The following MYSM1 variants were observed in gnomAD, a reference collection of about 807,000 sequenced individuals.
MYSM1 encodes the protein Myb like, SWIRM and MPN domains 1.
In MYSM1, 51 loss-of-function variants were observed where a neutral mutation model predicts 116.0. That is an observed-to-expected ratio of 0.44 (90% confidence interval 0.35 to 0.56). The LOEUF is 0.56. Ranked by LOEUF, MYSM1 falls within the 20% of genes least tolerant of loss-of-function variation. The probability of loss-of-function intolerance (pLI) is 0.00; values close to 1 mark genes in which losing one functional copy is unlikely to be tolerated. For synonymous variants in MYSM1, 313 were observed against 315.2 expected (o/e 0.99, Z 0.07); for missense variants, 900 against 974.9 (o/e 0.92, Z 1.02).
chr1:58,678,778 G>A (rs1254802737), intron 8 of MYSM1, among the ~76,000 whole-genome samples: 1 of 152,184 alleles, frequency 6.6e-6, no homozygotes, highest in East Asian at 1.9e-4. Flanking sequence ...AGATTTCAAT[G>A]AGACAAGAAA....
At chr1:58,695,079 A>C in intron 2 of MYSM1, 50 bp downstream of exon 2, 1 of 1,076,370 alleles carries the variant, frequency 9.3e-7, no homozygotes, top group Non-Finnish European at 1.4e-6. Flanking sequence ...GAAGCACTCT[A>C]GGCAATAAAT....
At chr1:58,666,733 G>C (rs1364668038) in intron 16 of MYSM1, among the ~76,000 whole-genome samples, 2 of 151,612 alleles carry the variant, frequency 1.3e-5, no homozygotes, top group Non-Finnish European at 2.9e-5. Context: ...AATTAGCTAG[G>C]CGTGGTGGTG....
chr1:58,669,093 T>C (rs1282699694), intron 12 of MYSM1, 55 bp from the exon 13 acceptor site: 54 of 1,289,514 alleles, frequency 4.2e-5, no homozygotes, highest in Non-Finnish European at 5.6e-5. Context: ...GAAAATAACA[T>C]TTATTTGTAA....
At chr1:58,695,788 C>T (rs1036182637) in intron 1 of MYSM1, among the ~76,000 whole-genome samples, 10 of 152,048 alleles carry the variant, frequency 6.6e-5, no homozygotes, top group Admixed American at 1.3e-4. Flanking sequence ...TTGATTTGGA[C>T]GCTTTTCAAT....
In MYSM1 at chr1:58,675,576, C is replaced by A. The variant is rs1268349780; in HGVS notation, c.1395G>T (p.Gln465His). ...LIGAINFGCEQAVYNRPQTVD... is the reference protein window; with the variant it reads ...LIGAINFGCEHAVYNRPQTVD... ...CTGTTTGTGGCCTATTATACACAGC[C>A]TGTTCTATTGGAATTCAGGAAAGAT... Residue 465 changes from glutamine (Q) to histidine (H), a missense_variant, in exon 10 of 20, where the codon CAG becomes CAT. By Grantham distance (24) the Gln-to-His change is conservative. Around this residue, in one of 3 missense-constraint regions of MYSM1, gnomAD observed 622 missense variants for 623.7 expected, o/e 1.00. Coordinates refer to ENST00000472487, the MANE Select transcript of MYSM1 (RefSeq NM_001085487.3). 1 of 1,612,144 alleles carries A rather than the reference C, an allele frequency of 6.2e-7. No homozygotes were observed. Among genetic ancestry groups the A allele is most frequent in the South Asian group, 1.1e-5 (1 of 90,848 alleles).
At chr1:58,665,272 C>A (rs1479449258) in intron 17 of MYSM1, among the ~76,000 whole-genome samples, 1 of 152,198 alleles carries the variant, frequency 6.6e-6, no homozygotes, top group Admixed American at 6.5e-5. Flanking sequence ...ATATTTCAAT[C>A]CTTTTGCCCA....
At chr1:58,682,859 C>T (rs922601062) in intron 7 of MYSM1, among the ~76,000 whole-genome samples, 2 of 152,050 alleles carry the variant, frequency 1.3e-5, no homozygotes, top group Non-Finnish European at 2.9e-5. Flanking sequence ...CCGTGCCCGG[C>T]TAATTTTTTG....
At chr1:58,677,599 C>T (rs2100636305) in intron 8 of MYSM1, among the ~76,000 whole-genome samples, 1 of 151,830 alleles carries the variant, frequency 6.6e-6, no homozygotes, top group South Asian at 2.1e-4. Flanking sequence ...TAAGGGATTC[C>T]AAAGGGGAAA....
rs1371496764 is a variant in MYSM1 at position 58,668,008 on chromosome 1, TG to T, written c.1768-88del. 6.6e-6 allele frequency: 6 copies of T among 904,612 alleles called. No individual in the cohort carries two copies. The African/African-American group carries it at 9.8e-5, about 15-fold the overall frequency. The allele number at this position is 904,612 out of a possible 1,614,324, so 56.0% of individuals were successfully genotyped here. On this transcript the variant is annotated intron_variant, in intron 14 of 19. Transcript: ENST00000472487. ...ACTCACTTATCATAAGAAAGTCATT[TG>T]TAAGTATAGCCATCATGCTTTTATA...
intron 3 of MYSM1, among the ~76,000 whole-genome samples, chr1:58,692,201 T>C (rs1288137786): frequency 6.6e-6 from 1 of 152,096 alleles, no homozygotes; most frequent in Non-Finnish European, 1.5e-5. Context: ...TAAGTGGAAA[T>C]AGTGGGAACA....
rs1240247485 is a variant in MYSM1 at position 58,689,092 on chromosome 1, G to A, written c.345C>T (p.Ala115=). The A allele has an allele frequency of 2.5e-6, 4 of 1,611,188 alleles. 1 individual carries two copies. In the Admixed American group the frequency reaches 6.8e-5, roughly 27 times the overall value. ...KIMVHSPTKP[A]SYSVKWTIEE... is the part of the protein sequence containing the mutation. ...CTATCGTCCACTTTACTGAGTAACT[G>A]GCTGGTTTTGTAGGAGAGTGTACCC... Residue 115 remains alanine, a synonymous_variant, in exon 6 of 20, where the codon GCC becomes GCT. Coordinates refer to ENST00000472487, the MANE Select transcript of MYSM1 (RefSeq NM_001085487.3).
In MYSM1 at chr1:58,660,057, A is replaced by G. The variant is rs765974511; in HGVS notation, c.2427T>C (p.Tyr809=). ...TEIENLFLSN[Y]KSNQENGVTE... ...TTACTCCATTCTCTTGGTTGCTTTT[A>G]TAATTGGAAAGGAACAAATTTTCTA... The change falls in exon 20 of 20, where the codon TAT becomes TAC. Residue 809 remains tyrosine, a synonymous_variant. Transcript: ENST00000472487. 2 of 1,610,210 alleles carry G rather than the reference A, an allele frequency of 1.2e-6. No homozygotes were observed. Among genetic ancestry groups the G allele is most frequent in the Non-Finnish European group, 8.5e-7 (1 of 1,177,770 alleles).
At position 58,690,196 on chromosome 1, in the gene MYSM1, G is replaced by T. The variant is rs187318930; in HGVS notation, c.320+30C>A. ...CCATAATTTTTAACTAATGAAAACA[G>T]ATTTATAAATATAAAATATAAGTAC... On this transcript the variant is annotated intron_variant, in intron 5 of 19. Transcript: ENST00000472487. 1.5e-4 allele frequency: 224 copies of T among 1,458,992 alleles called. 1 individual carries two copies. The African/African-American group carries it at 3.0e-3, about 19-fold the overall frequency. The allele number at this position is 1,458,992 out of a possible 1,614,324, so 90.4% of individuals were successfully genotyped here. A position where few individuals can be genotyped will look rare whatever the true frequency, so the allele number is the denominator to read the frequency against.
intron 9 of MYSM1, among the ~76,000 whole-genome samples, chr1:58,676,513 C>T (rs1569750191): frequency 2.0e-5 from 3 of 151,644 alleles, no homozygotes; most frequent in Non-Finnish European, 2.9e-5. Context: ...AATATTTTGA[C>T]GCTTTTATCA....
At chr1:58,691,989 T>TA (rs1307008039) in intron 3 of MYSM1, among the ~76,000 whole-genome samples, 1 of 152,230 alleles carries the variant, frequency 6.6e-6, no homozygotes, top group Non-Finnish European at 1.5e-5. Context: ...TATTTTAGGT[T>TA]ATATAATATA....
In MYSM1 at chr1:58,676,965, T is replaced by C. The variant is rs1184172012; in HGVS notation, c.1351A>G (p.Thr451Ala). The C allele has an allele frequency of 1.9e-6, 3 of 1,612,576 alleles. No homozygotes were observed. The highest frequency in any genetic ancestry group is 2.5e-6 in the Non-Finnish European group (3 of 1,179,314). Residue 451 changes from threonine to alanine, a missense_variant, in exon 9 of 20, where the codon ACA (threonine) becomes GCA (alanine). Physicochemically the swap from Thr to Ala is moderately conservative, Grantham distance 58 (BLOSUM62 0). Around this residue, in one of 3 missense-constraint regions of MYSM1, gnomAD observed 622 missense variants for 623.7 expected, o/e 1.00. Transcript: ENST00000472487. ...ATTGCTCCTATCAATTCGAGGTATGTATGAATCCGTCCAATACAATTAACA... is the reference window on the plus strand; with the variant it reads ...ATTGCTCCTATCAATTCGAGGTATGCATGAATCCGTCCAATACAATTAACA... ...GDVNCIGRIHTYLELIGAINF... is the reference protein window; with the variant it reads ...GDVNCIGRIHAYLELIGAINF...
chr1:58,660,003 T>C lies in MYSM1; in HGVS notation c.2481A>G (p.Leu827=). The change falls in exon 20 of 20, where the codon TTA becomes TTG. Residue 827 remains leucine (L), a synonymous_variant. Coordinates refer to ENST00000472487, the MANE Select transcript of MYSM1 (RefSeq NM_001085487.3). ...VTEENCTKEL[L]M is the part of the protein sequence containing the mutation. ...TGTCTTAACTTTAAAATAATCACAT[T>C]AACAATTCCTTTGTACAGTTCTCTT... is the stretch of plus-strand genomic sequence containing the variant. 6.5e-7 allele frequency: 1 copy of C among 1,549,682 alleles called. No homozygotes were observed. Among genetic ancestry groups the C allele is most frequent in the Non-Finnish European group, 8.7e-7 (1 of 1,146,748 alleles).
intron 3 of MYSM1, chr1:58,692,431 T>C (rs185608203): frequency 1.3e-5 from 2 of 153,212 alleles, no homozygotes; most frequent in East Asian, 3.8e-4. Flanking sequence ...TTTTGTGCTT[T>C]TTATTTAGAT....
chr1:58,690,644 G>A (rs918517277), intron 3 of MYSM1, among the ~76,000 whole-genome samples: 3 of 150,512 alleles, frequency 2.0e-5, no homozygotes, highest in African/African-American at 4.9e-5. Flanking sequence ...ACACAAATTC[G>A]TAAACTTTCT....
Sources: allele counts gnomAD v4.1 joint callset (sites outside exome capture counted in the v4.1 genomes callset), GRCh38; gene constraint gnomAD v4.1.1; regional missense constraint gnomAD v4.1.1; transcripts MANE v1.5; gene names NCBI Gene and HGNC (gene_info 2026-07-23, HGNC 2026-07-21).